Variants in PALM2AKAP2 observed in about 807,000 individuals in gnomAD.
The protein encoded by PALM2AKAP2 is PALM2-AKAP2 fusion protein.
PALM2AKAP2 carries 37 observed loss-of-function variants against 71.5 expected under a neutral mutation model. That is an observed-to-expected ratio of 0.52 (90% CI 0.40 to 0.68). PALM2AKAP2 has a LOEUF of 0.68. Ranked by LOEUF, PALM2AKAP2 falls within the 30% of genes least tolerant of loss-of-function variation. The pLI is 0.00. For missense variants in PALM2AKAP2, 1,224 were observed against 1,191.8 expected (o/e 1.03, Z -0.40); for synonymous variants, 468 against 478.8 (o/e 0.98, Z 0.29).
chr9:110,093,025 G>A (rs919585753), intron 1 of PALM2AKAP2, among the ~76,000 whole-genome samples: 1 of 152,134 alleles, frequency 6.6e-6, no homozygotes, highest in Admixed American at 6.5e-5. Context: ...GCTCCCCCTA[G>A]ACCACGGTGC....
upstream of PALM2AKAP2, among the ~76,000 whole-genome samples, chr9:110,046,490 C>T (rs1182127635): frequency 1.5e-4 from 17 of 114,036 alleles, no homozygotes; most frequent in Non-Finnish European, 8.5e-5. Flanking sequence ...TTTTTTGAGA[C>T]GGAGTTTCGC....
At chr9:110,113,768 G>T (rs534468681) in intron 1 of PALM2AKAP2, among the ~76,000 whole-genome samples, 1 of 152,062 alleles carries the variant, frequency 6.6e-6, no homozygotes, top group African/African-American at 2.4e-5. Context: ...TCTGACCTCA[G>T]GTGATCCACC....
At chr9:109,672,600 C>A (rs898306438) in intron 1 of PALM2AKAP2, among the ~76,000 whole-genome samples, 3 of 151,380 alleles carry the variant, frequency 2.0e-5, no homozygotes, top group African/African-American at 7.3e-5. Context: ...ATTTTGGTAT[C>A]AGGATGATGC....
At chr9:110,014,272 A>G (rs1051367354) in intron 6 of PALM2AKAP2, among the ~76,000 whole-genome samples, 2 of 152,212 alleles carry the variant, frequency 1.3e-5, no homozygotes, top group African/African-American at 4.8e-5. Flanking sequence ...AATGTAAACA[A>G]ATATTACACA....
chr9:110,049,687 G>T (rs1588077738), intron 1 of PALM2AKAP2, among the ~76,000 whole-genome samples: 1 of 152,198 alleles, frequency 6.6e-6, no homozygotes, highest in East Asian at 1.9e-4. Flanking sequence ...GTCCGTGGAG[G>T]CGACGCGCCT....
At chr9:109,888,365 A>G (rs151096503) in intron 3 of PALM2AKAP2, among the ~76,000 whole-genome samples, 1 of 152,262 alleles carries the variant, frequency 6.6e-6, no homozygotes, top group African/African-American at 2.4e-5. Flanking sequence ...TGTAATGTGT[A>G]GAGGTCAGGT....
chr9:109,696,631 G>C (rs1015064027), intron 1 of PALM2AKAP2, among the ~76,000 whole-genome samples: 1 of 152,252 alleles, frequency 6.6e-6, no homozygotes, highest in East Asian at 1.9e-4. Context: ...GTATCTACAA[G>C]GATATCAGCA....
intron 7 of PALM2AKAP2, among the ~76,000 whole-genome samples, chr9:110,019,742 A>G (rs549046591): frequency 3.3e-5 from 5 of 152,308 alleles, no homozygotes; most frequent in African/African-American, 1.2e-4. Context: ...GGGAACTACT[A>G]CACATGGGCA....
At chr9:110,130,979 G>A (rs996949749) in intron 1 of PALM2AKAP2, among the ~76,000 whole-genome samples, 2 of 152,144 alleles carry the variant, frequency 1.3e-5, no homozygotes, top group African/African-American at 2.4e-5. Context: ...AAGCTTCAGG[G>A]GTTCTTGGGA....
Position 110,138,387 on chromosome 9 carries a change from G to A in PALM2AKAP2, c.2417G>A (p.Arg806Gln), listed in dbSNP as rs768091773. ...TTCAAGCTGAGGTCCAGGAAACAGCGGACTTTGTCCATGATTGAGGAAGAG... is the reference window on the plus strand; with the variant it reads ...TTCAAGCTGAGGTCCAGGAAACAGCAGACTTTGTCCATGATTGAGGAAGAG... Residue 806 changes from arginine (R) to glutamine (Q), a missense_variant, in exon 2 of 4, where the codon CGG (arginine) becomes CAG (glutamine). Arg to Gln is a conservative substitution (Grantham distance 43). Transcript: ENST00000374525. 35 of 1,614,120 alleles carry A rather than the reference G, an allele frequency of 2.2e-5. No individual in the cohort carries two copies. Among genetic ancestry groups the A allele is most frequent in the Middle Eastern group, 3.3e-4 (2 of 6,084 alleles).
At chr9:110,099,791 C>T (rs1479449344) in intron 1 of PALM2AKAP2, among the ~76,000 whole-genome samples, 1 of 151,864 alleles carries the variant, frequency 6.6e-6, no homozygotes, top group Non-Finnish European at 1.5e-5. Context: ...AGTCAGTTTG[C>T]GCTTTTATGA....
rs533430876 is a variant in PALM2AKAP2, at chr9:109,728,827, C to T, written c.6-51661C>T. Among the ~76,000 whole-genome samples the T allele has an allele frequency of 2.0e-5, 3 of 152,328 alleles. No homozygotes were observed. The South Asian group carries it at 6.2e-4, about 32-fold the overall frequency. On this transcript the variant is annotated intron_variant, in intron 1 of 6. Transcript: ENST00000374531. ...GAGGTTTGTATGTCACACTCACCCC[C>T]TATTTCCTCATTCAGGAACCTAAGC...
chr9:109,707,305 G>A (rs1047954776), intron 1 of PALM2AKAP2, among the ~76,000 whole-genome samples: 2 of 151,966 alleles, frequency 1.3e-5, no homozygotes, highest in African/African-American at 4.8e-5. Context: ...TTGGTGGAGT[G>A]CATCAGCCGC....
intron 7 of PALM2AKAP2, among the ~76,000 whole-genome samples, chr9:110,019,920 A>G (rs1833043597): frequency 6.6e-6 from 1 of 152,240 alleles, no homozygotes; most frequent in African/African-American, 2.4e-5. Context: ...AAGCCTGTTC[A>G]TGAACCCCCT....
chr9:110,045,555 A>G (rs943757850), upstream of PALM2AKAP2, among the ~76,000 whole-genome samples: 65 of 151,826 alleles, frequency 4.3e-4, no homozygotes, highest in African/African-American at 1.5e-3. Flanking sequence ...GAGCCCAGGA[A>G]TCTGCCTTTC....
intron 1 of PALM2AKAP2, among the ~76,000 whole-genome samples, chr9:109,712,911 G>A (rs879537485): frequency 1.1e-4 from 16 of 152,218 alleles, no homozygotes; most frequent in Non-Finnish European, 2.4e-4. Flanking sequence ...AGTGAAATAT[G>A]CTTATGCAAC....
intron 2 of PALM2AKAP2, among the ~76,000 whole-genome samples, chr9:109,869,759 ATCAGCTAGTTCT>A (rs1198641898): frequency 6.6e-6 from 1 of 152,170 alleles, no homozygotes; most frequent in Non-Finnish European, 1.5e-5. Context: ...AAACAAGGGA[ATCAGCTAGTTCT>A]TTATGGCTAT....
chr9:109,807,043 G>A (rs1003053073), intron 1 of PALM2AKAP2, among the ~76,000 whole-genome samples: 2 of 152,180 alleles, frequency 1.3e-5, no homozygotes, highest in Non-Finnish European at 2.9e-5. Flanking sequence ...AGAGATACAT[G>A]TGGGCCAAGC....
intron 6 of PALM2AKAP2, among the ~76,000 whole-genome samples, chr9:109,982,546 A>G (rs1261527739): frequency 1.3e-5 from 2 of 152,194 alleles, no homozygotes; most frequent in Admixed American, 6.5e-5. Context: ...ATTATTTCGC[A>G]TCGTATGCCA....
Sources: allele counts gnomAD v4.1 joint callset (sites outside exome capture counted in the v4.1 genomes callset), GRCh38; gene constraint gnomAD v4.1.1; transcripts MANE v1.5; gene names NCBI Gene and HGNC (gene_info 2026-07-23, HGNC 2026-07-21).